Variants in SVIL observed in about 807,000 individuals in gnomAD.
SVIL encodes the protein archvillin.
A neutral mutation model predicts 240.4 loss-of-function variants in SVIL; 101 were observed. The ratio of observed to expected loss-of-function variants is 0.42; its 90% CI spans 0.36 to 0.50. The LOEUF (loss-of-function observed/expected upper bound fraction) is 0.50. SVIL is among the 20% of genes least tolerant of loss of function. The pLI is 0.01. For missense variants in SVIL, 2,512 were observed against 2,818.7 expected (o/e 0.89, Z 2.46); for synonymous variants, 999 against 1,100.0 (o/e 0.91, Z 1.82).
At position 29,458,243 on chromosome 10, in the gene SVIL, C is replaced by T; in HGVS notation, c.*4G>A. 1.2e-6 allele frequency: 2 copies of T among 1,614,104 alleles called. No individual in the cohort carries two copies. The highest frequency in any genetic ancestry group is 1.3e-5 in the African/African-American group (1 of 75,052). On this transcript the variant is annotated 3_prime_UTR_variant, in exon 38 of 38. Coordinates refer to ENST00000355867, the MANE Select transcript of SVIL (RefSeq NM_021738.3). The stretch of plus-strand genomic sequence containing the variant: ...ACCGTGAGGCTCCTCTGGCGTCTCC[C>T]CACTCAGAACAGGCCTTTTGCTTTC...
At chr10:29,555,169 C>T in intron 3 of SVIL, 61 bp from the exon 4 acceptor site, 1 of 1,457,956 alleles carries the variant, frequency 6.9e-7, no homozygotes. Context: ...TCATTTTATT[C>T]ACTCATGCAA....
chr10:29,649,068 G>A (rs144687294), intron 3 of SVIL, among the ~76,000 whole-genome samples: 1 of 152,272 alleles, frequency 6.6e-6, no homozygotes, highest in East Asian at 1.9e-4. Context: ...GCTGAGGTAG[G>A]AGGATCCTTT....
intron 1 of SVIL, among the ~76,000 whole-genome samples, chr10:29,573,934 G>C (rs990521939): frequency 6.6e-6 from 1 of 152,200 alleles, no homozygotes; most frequent in Admixed American, 6.5e-5. Flanking sequence ...GACCTCAGGT[G>C]ATCCGCCCAC....
chr10:29,616,430 T>C (rs1957428919), intron 1 of SVIL, among the ~76,000 whole-genome samples: 2 of 152,188 alleles, frequency 1.3e-5, no homozygotes, highest in Admixed American at 1.3e-4. Flanking sequence ...CAAAATCAAG[T>C]AAAATATACA....
At chr10:29,507,207 T>C (rs1449641520) in intron 17 of SVIL, among the ~76,000 whole-genome samples, 1 of 151,940 alleles carries the variant, frequency 6.6e-6, no homozygotes, top group Non-Finnish European at 1.5e-5. Flanking sequence ...TTCCTCCCTG[T>C]CCCTCCACAC....
chr10:29,583,930 T>C (rs1340135911), intron 1 of SVIL, among the ~76,000 whole-genome samples: 3 of 152,156 alleles, frequency 2.0e-5, no homozygotes, highest in Non-Finnish European at 4.4e-5. Context: ...CTTGCGGTAT[T>C]TGTTTAAAAT....
intron 1 of SVIL, among the ~76,000 whole-genome samples, chr10:29,703,385 C>T (rs1962662472): frequency 6.6e-6 from 1 of 152,220 alleles, no homozygotes; most frequent in Non-Finnish European, 1.5e-5. Context: ...CCTTCTCCAC[C>T]ACCTGGTGCC....
At chr10:29,674,509 G>A (rs1175452982) in intron 2 of SVIL, among the ~76,000 whole-genome samples, 1 of 152,114 alleles carries the variant, frequency 6.6e-6, no homozygotes, top group Non-Finnish European at 1.5e-5. Context: ...CAGAATTAAT[G>A]TTGACAAGAA....
At chr10:29,568,187 C>T (rs71489683) in intron 2 of SVIL, among the ~76,000 whole-genome samples, 12,725 of 151,802 alleles carry the variant, frequency 0.084, 600 homozygotes, top group Admixed American at 0.13. Context: ...TCTAATTAAC[C>T]TTGTACTTAG....
intron 2 of SVIL, among the ~76,000 whole-genome samples, chr10:29,671,396 T>C (rs1291193277): frequency 2.6e-5 from 4 of 152,372 alleles, no homozygotes; most frequent in Middle Eastern, 3.4e-3. Context: ...TCTTAGGATA[T>C]GCTTTGGAAA....
At chr10:29,708,920 A>T (rs1216662931) in intron 1 of SVIL, among the ~76,000 whole-genome samples, 1 of 152,214 alleles carries the variant, frequency 6.6e-6, no homozygotes, top group Non-Finnish European at 1.5e-5. Context: ...AAAGAATTTT[A>T]AAAGATGATT....
intron 18 of SVIL, among the ~76,000 whole-genome samples, chr10:29,496,084 C>A (rs1948422496): frequency 6.6e-6 from 1 of 152,158 alleles, no homozygotes. Context: ...AGAGGTTATG[C>A]AAATCACTAT....
At chr10:29,709,712 C>A (rs1963145934) in intron 1 of SVIL, among the ~76,000 whole-genome samples, 1 of 152,162 alleles carries the variant, frequency 6.6e-6, no homozygotes, top group East Asian at 1.9e-4. Context: ...CCCGGTAAGT[C>A]TGGCAGACAC....
chr10:29,712,808 C>G (rs1424849804), intron 1 of SVIL, among the ~76,000 whole-genome samples: 1 of 152,168 alleles, frequency 6.6e-6, no homozygotes. Context: ...TACTAGTCCC[C>G]TCATCTTATA....
In SVIL at chr10:29,701,076, G is replaced by A. The variant is rs149336738; in HGVS notation, c.-399-14425C>T. Reference sequence around the variant, plus strand: ...CATATTTGCATGTTACAGTGGACATGTATGGCTTTTGCCTGCATTATACCC... The same window carrying A: ...CATATTTGCATGTTACAGTGGACATATATGGCTTTTGCCTGCATTATACCC... On this transcript the variant is annotated intron_variant, in intron 1 of 35. Coordinates refer to the SVIL transcript ENST00000375400. Among the ~76,000 whole-genome samples the A allele has an allele frequency of 1.7e-3, 255 of 152,236 alleles. 1 individual carries two copies. The highest frequency in any genetic ancestry group is 5.9e-3 in the African/African-American group (246 of 41,534).
chr10:29,565,718 C>A (rs1055337158), intron 2 of SVIL, among the ~76,000 whole-genome samples: 1 of 123,320 alleles, frequency 8.1e-6, no homozygotes, highest in African/African-American at 3.1e-5. Context: ...AGCAAGATCC[C>A]ATCTCTAAAA....
At chr10:29,691,826 G>A (rs1350166876) in intron 1 of SVIL, among the ~76,000 whole-genome samples, 1 of 152,140 alleles carries the variant, frequency 6.6e-6, no homozygotes, top group African/African-American at 2.4e-5. Flanking sequence ...GTAGACACTC[G>A]AATTATCTCA....
At chr10:29,736,232 G>T (rs1257832665), upstream of SVIL, among the ~76,000 whole-genome samples, 3 of 152,238 alleles carry the variant, frequency 2.0e-5, no homozygotes, top group East Asian at 1.9e-4. Context: ...GTCCTCGGAG[G>T]TGGCCCAAGG....
chr10:29,695,415 A>G (rs970957645), intron 1 of SVIL, among the ~76,000 whole-genome samples: 3 of 152,056 alleles, frequency 2.0e-5, no homozygotes, highest in African/African-American at 7.2e-5. Flanking sequence ...GTAACCAAAA[A>G]CCATTTGTAT....
Sources: allele counts gnomAD v4.1 joint callset (sites outside exome capture counted in the v4.1 genomes callset), GRCh38; gene constraint gnomAD v4.1.1; transcripts MANE v1.5; gene names NCBI Gene and HGNC (gene_info 2026-07-23, HGNC 2026-07-21).